Variants in TOP3B observed in about 807,000 individuals in gnomAD.
TOP3B encodes DNA topoisomerase III beta.
Under a neutral mutation model 93.9 loss-of-function variants are expected in TOP3B, and 45 were observed. The observed-to-expected ratio is 0.48, with a 90% confidence interval of 0.38 to 0.61. TOP3B has a LOEUF of 0.61. Among genes scored for constraint, TOP3B ranks in the 20% least tolerant of loss-of-function variants. The probability of loss-of-function intolerance (pLI) is 0.00; values close to 1 mark genes in which losing one functional copy is unlikely to be tolerated. For synonymous variants in TOP3B, 357 were observed against 472.6 expected, an observed-to-expected ratio of 0.76 and a Z score of 3.17; for missense variants, 750 against 1,156.1, an observed-to-expected ratio of 0.65 and a Z score of 5.09.
intron 1 of TOP3B, 58 bp from the exon 2 acceptor site, chr22:21,975,865 A>G: frequency 8.8e-7 from 1 of 1,135,660 alleles, no homozygotes; most frequent in Non-Finnish European, 1.1e-6. Context: ...CTACACCACT[A>G]CAAGGAAAAT....
intron 6 of TOP3B, chr22:21,969,947 T>G: frequency 3.6e-6 from 1 of 275,670 alleles, no homozygotes; most frequent in Non-Finnish European, 6.9e-6. Flanking sequence ...TTTTTTTTTT[T>G]TTTGTAGAGA....
At position 21,971,877 on chromosome 22, in the gene TOP3B, C is replaced by T. The variant is rs2071652459; in HGVS notation, c.384G>A (p.Glu128=). 2 of 1,613,984 alleles carry T rather than the reference C, an allele frequency of 1.2e-6. No homozygotes were observed. The highest frequency in any genetic ancestry group is 1.7e-5 in the Admixed American group (1 of 60,000). The change falls in exon 5 of 18, where the codon GAG becomes GAA. Residue 128 remains glutamate, a splice_region_variant and synonymous_variant. Transcript: ENST00000357179. This position sits in a 1 kb window ranked among gnomAD's most constrained non-coding sequence, Gnocchi z 4.6. ...CDKEGENICF[E]VLDAVLPVMN... is the part of the protein sequence containing the mutation. Reference sequence around the variant, plus strand: ...GGAACAAAGTGAGCCTCACACTCACCTCAAAGCAGATGTTCTCCCCCTCCT... The same window carrying T: ...GGAACAAAGTGAGCCTCACACTCACTTCAAAGCAGATGTTCTCCCCCTCCT...
chr22:21,962,405 T>C (rs2071222938), intron 13 of TOP3B, 24 bp downstream of exon 13: 1 of 1,612,806 alleles, frequency 6.2e-7, no homozygotes. Flanking sequence ...GAGCCGGCTC[T>C]GGGGCCTGGG....
chr22:21,964,754 G>A (rs1013037321), intron 9 of TOP3B: 2 of 204,194 alleles, frequency 9.8e-6, no homozygotes, highest in Non-Finnish European at 2.0e-5. Context: ...AGCACTTTGG[G>A]GCCACTCAGG....
Position 21,974,506 on chromosome 22 carries a change from CAA to C in TOP3B, c.71-20_71-19del. Reference sequence around the variant, plus strand: ...CAGGCTCCCTGGGGATGAGGAAGCACAAAGTGACTGGCTGCTTCAGCTGAGCT... The same window carrying C: ...CAGGCTCCCTGGGGATGAGGAAGCACAGTGACTGGCTGCTTCAGCTGAGCT... On this transcript the variant is annotated intron_variant, in intron 2 of 17. Coordinates refer to ENST00000357179, the MANE Select transcript of TOP3B (RefSeq NM_001282112.2). The C allele has an allele frequency of 6.3e-7, 1 of 1,587,498 alleles. No individual in the cohort carries two copies. The highest frequency in any genetic ancestry group is 8.6e-7 in the Non-Finnish European group (1 of 1,165,230).
chr22:21,963,059 C>T lies in TOP3B; in HGVS notation c.1205-166G>A, dbSNP rs898736390. The T allele has an allele frequency of 8.9e-6, 7 of 786,898 alleles. No individual in the cohort carries two copies. Among genetic ancestry groups the T allele is most frequent in the African/African-American group, 3.5e-5 (2 of 57,442 alleles). 48.7% of individuals were successfully genotyped at this position (786,898 alleles called of 1,614,324 possible). A position where few individuals can be genotyped will look rare whatever the true frequency, so the allele number is the denominator to read the frequency against. ...AAAGAAAATGTGCAGGAAGGCCGGG[C>T]GTGGTGGCTCATGCCTGTAATCCTA... is the stretch of plus-strand genomic sequence containing the variant. On this transcript the variant is annotated intron_variant, in intron 11 of 17. Coordinates refer to ENST00000357179, the MANE Select transcript of TOP3B (RefSeq NM_001282112.2). The surrounding 1 kb of genome is among the most constrained non-coding windows in gnomAD (Gnocchi z 4.8).
intron 1 of TOP3B, chr22:21,977,782 C>T (rs2071941871): frequency 6.6e-6 from 1 of 152,158 alleles, no homozygotes; most frequent in Non-Finnish European, 1.5e-5. Context: ...CAATTCCACT[C>T]CTTGGAATGA....
chr22:21,970,045 C>T lies in TOP3B; in HGVS notation c.581+165G>A, dbSNP rs2071570906. On this transcript the variant is annotated intron_variant, in intron 6 of 17. Transcript: ENST00000357179. The surrounding 1 kb of genome is among the most constrained non-coding windows in gnomAD (Gnocchi z 4.4). ...CTGGTCTCCCAAAGTGCAGGGATTA[C>T]AGGTGTTAGCCACTGTGCCTGGCCT... The T allele has an allele frequency of 4.4e-6, 3 of 687,176 alleles. No individual in the cohort carries two copies. Among genetic ancestry groups the T allele is most frequent in the Non-Finnish European group, 7.1e-6 (3 of 419,626 alleles). The allele number at this position is 687,176 out of a possible 1,614,324, so 42.6% of individuals were successfully genotyped here.
chr22:21,977,595 T>C (rs763066630), intron 1 of TOP3B: 2 of 149,112 alleles, frequency 1.3e-5, no homozygotes, highest in African/African-American at 2.5e-5. Context: ...TATCACATCA[T>C]GTCCAACAAC....
rs571327236 is a variant in TOP3B, at chr22:21,964,494, G to A, written c.944-179C>T. ...GCCGGGTGGGCACCTATGCCACACA[G>A]TCTTGTATGAGGCTGAATCCCGCAC... is the stretch of plus-strand genomic sequence containing the variant. On this transcript the variant is annotated intron_variant, in intron 9 of 17. Transcript: ENST00000357179. 3.9e-4 allele frequency: 264 copies of A among 670,504 alleles called. 3 individuals carry two copies. In the South Asian group the frequency reaches 4.9e-3, roughly 12 times the overall value. 41.5% of individuals were successfully genotyped at this position (670,504 alleles called of 1,614,324 possible). A position where few individuals can be genotyped will look rare whatever the true frequency, so the allele number is the denominator to read the frequency against.
chr22:21,960,831 T>C, intron 13 of TOP3B: 1 of 251,404 alleles, frequency 4.0e-6, no homozygotes, highest in South Asian at 5.0e-5. Flanking sequence ...AGAGCCCCAC[T>C]CCACCAGAAC....
At chr22:21,975,553 G>A (rs1457099585) in intron 2 of TOP3B, 87 bp downstream of exon 2, 16 of 1,426,394 alleles carry the variant, frequency 1.1e-5, no homozygotes, top group Middle Eastern at 3.8e-4. Flanking sequence ...ATCTACCCCA[G>A]CCAGGGTGGA....
intron 4 of TOP3B, chr22:21,972,230 A>G: frequency 2.0e-6 from 1 of 489,322 alleles, no homozygotes; most frequent in South Asian, 3.4e-5. Context: ...AAAATGAAAT[A>G]ACCCTAAATG....
rs141488057 is a variant in TOP3B at position 21,981,875 on chromosome 22, C to T, written c.-99+855G>A. On this transcript the variant is annotated intron_variant, in intron 1 of 17. Transcript: ENST00000357179. Reference sequence around the variant, plus strand: ...CAGTGGTCTGAATAGCATTAAAATTCCTAGGATTTACCACCTCAGTAACTT... The same window carrying T: ...CAGTGGTCTGAATAGCATTAAAATTTCTAGGATTTACCACCTCAGTAACTT... 5.7e-3 allele frequency among the ~76,000 whole-genome samples: 868 copies of T among 152,154 alleles called. 2 individuals carry two copies. The highest frequency in any genetic ancestry group is 0.01 in the Middle Eastern group (3 of 294).
At chr22:21,967,562 A>C in intron 8 of TOP3B, 41 bp downstream of exon 8, 2 of 1,562,726 alleles carry the variant, frequency 1.3e-6, no homozygotes, top group Non-Finnish European at 1.8e-6. Flanking sequence ...GGCCACCCTC[A>C]CCCAAGGCAA....
At chr22:21,976,047 C>T (rs1179350295) in intron 1 of TOP3B, 2 of 187,564 alleles carry the variant, frequency 1.1e-5, no homozygotes, top group Non-Finnish European at 2.2e-5. Context: ...GTGAAGTGGC[C>T]CCAGTGATCT....
chr22:21,960,472 G>C (rs201443085), intron 13 of TOP3B, 23 bp from the exon 14 acceptor site: 14 of 1,612,530 alleles, frequency 8.7e-6, no homozygotes, highest in Non-Finnish European at 1.2e-5. Flanking sequence ...AGGCCCCAGG[G>C]TTCCTGGCCT....
Position 21,972,718 on chromosome 22 carries a change from C to T in TOP3B, c.203G>A (p.Gly68Glu). ...CGHVMTLDFL[G>E]KYNKWDKVDP... is the part of the protein sequence containing the mutation. ...CACTTTGTCCCATTTGTTGTATTTT[C>T]CTACAAACCAGTCACAGTGACATTG... The change falls in exon 4 of 18, where the codon GGA becomes GAA. Residue 68 changes from glycine to glutamate, a missense_variant and splice_region_variant. This residue lies in a region of TOP3B where 737 missense variants were observed against 933.7 expected (regional missense o/e 0.79). Transcript: ENST00000357179. 1 of 1,612,868 alleles carries T rather than the reference C, an allele frequency of 6.2e-7. No homozygotes were observed. The highest frequency in any genetic ancestry group is 1.1e-5 in the South Asian group (1 of 91,044).
Position 21,964,202 on chromosome 22 carries a change from A to G in TOP3B, c.1057T>C (p.Ser353Pro). 1 of 1,614,096 alleles carries G rather than the reference A, an allele frequency of 6.2e-7. No homozygotes were observed. Among genetic ancestry groups the G allele is most frequent in the Non-Finnish European group, 8.5e-7 (1 of 1,180,020 alleles). Residue 353 changes from serine to proline, a missense_variant, in exon 10 of 18, where the codon TCT becomes CCT. By Grantham distance (74) the Ser-to-Pro change is moderately conservative. Around this residue, in one of 4 missense-constraint regions of TOP3B, gnomAD observed 737 missense variants for 933.7 expected, o/e 0.79. Transcript: ENST00000357179. ...GGGTGGTTGGCCTGCTGCCGCAGAG[A>G]GCCCTTCAGGTCAAAGTTCTCAGGG... Reference protein sequence around the residue: ...HYPENFDLKGSLRQQANHPYW... With the variant: ...HYPENFDLKGPLRQQANHPYW...
Sources: allele counts gnomAD v4.1 joint callset (sites outside exome capture counted in the v4.1 genomes callset), GRCh38; gene constraint gnomAD v4.1.1; regional missense constraint gnomAD v4.1.1; non-coding constraint Gnocchi (gnomAD v3.1); transcripts MANE v1.5; gene names NCBI Gene and HGNC (gene_info 2026-07-23, HGNC 2026-07-21).